Variants in KCNIP3 observed in about 807,000 individuals in gnomAD.
KCNIP3 encodes potassium voltage-gated channel interacting protein 3, also known as calsenilin.
A neutral mutation model predicts 35.0 loss-of-function variants in KCNIP3; 28 were observed. The observed-to-expected ratio is 0.80, with a 90% confidence interval of 0.59 to 1.10. The LOEUF (loss-of-function observed/expected upper bound fraction) is 1.10, where lower values mean the gene tolerates loss of function less well. KCNIP3 is among the 50% of genes least tolerant of loss of function. The pLI is 0.00. For synonymous variants in KCNIP3, 134 were observed against 133.8 expected (o/e 1.00, Z -0.01); for missense variants, 295 against 338.4 (o/e 0.87, Z 1.01).
rs1680440216 is a variant in KCNIP3 at position 95,384,567 on chromosome 2, A to T, written c.*518A>T. ...CCCCTCACCTCAGGACCCCAGAGGG[A>T]CCAGCTGGGGGGCAGGGGGGAGAGG... is the stretch of plus-strand genomic sequence containing the variant. On this transcript the variant is annotated 3_prime_UTR_variant, in exon 9 of 9. Transcript: ENST00000295225. 6.5e-6 allele frequency: 1 copy of T among 154,592 alleles called. No individual in the cohort carries two copies. Among genetic ancestry groups the T allele is most frequent in the Non-Finnish European group, 1.4e-5 (1 of 69,680 alleles). 9.6% of individuals were successfully genotyped at this position (154,592 alleles called of 1,614,324 possible). A position where few individuals can be genotyped will look rare whatever the true frequency, so the allele number is the denominator to read the frequency against.
chr2:95,359,121 C>T (rs1037053174), intron 2 of KCNIP3, among the ~76,000 whole-genome samples: 2 of 152,310 alleles, frequency 1.3e-5, no homozygotes, highest in East Asian at 1.9e-4. Flanking sequence ...GTCCTTCTCA[C>T]ATACAAAATA....
intron 2 of KCNIP3, among the ~76,000 whole-genome samples, chr2:95,338,629 T>C (rs867585817): frequency 6.6e-6 from 1 of 152,168 alleles, no homozygotes; most frequent in African/African-American, 2.4e-5. Flanking sequence ...CAAAGAACAC[T>C]GTCGCCCCCA....
chr2:95,381,310 G>C (rs1309157616), intron 5 of KCNIP3, among the ~76,000 whole-genome samples: 3 of 151,232 alleles, frequency 2.0e-5, no homozygotes, highest in Non-Finnish European at 4.4e-5. Flanking sequence ...CACCCTCACA[G>C]GTTCACACAT....
chr2:95,318,282 C>A (rs1243461838), intron 2 of KCNIP3, among the ~76,000 whole-genome samples: 2 of 152,174 alleles, frequency 1.3e-5, no homozygotes, highest in Non-Finnish European at 2.9e-5. Context: ...GCTCTCAGGC[C>A]AGTCCTCCTC....
At chr2:95,313,443 C>G (rs1404489100) in intron 2 of KCNIP3, 1 of 152,464 alleles carries the variant, frequency 6.6e-6, no homozygotes, top group African/African-American at 2.4e-5. Context: ...AGAGCACAGG[C>G]AGCCTGGCCC....
chr2:95,377,077 C>T lies in KCNIP3; in HGVS notation c.447+1869C>T, dbSNP rs772378135. Among the ~76,000 whole-genome samples the T allele has an allele frequency of 6.6e-6, 1 of 152,254 alleles. No individual in the cohort carries two copies. The highest frequency in any genetic ancestry group is 1.5e-5 in the Non-Finnish European group (1 of 68,040). On this transcript the variant is annotated intron_variant, in intron 5 of 8. Coordinates refer to ENST00000295225, the MANE Select transcript of KCNIP3 (RefSeq NM_013434.5). This position sits in a 1 kb window ranked among gnomAD's most constrained non-coding sequence, Gnocchi z 4.7. Reference sequence around the variant, plus strand: ...ACACCCCACCTTGGAGTGGCTCCTGCTCCCATCCCCACGGACCTTCTGGGA... The same window carrying T: ...ACACCCCACCTTGGAGTGGCTCCTGTTCCCATCCCCACGGACCTTCTGGGA...
In KCNIP3 at chr2:95,381,714, G is replaced by C; in HGVS notation, c.555+11G>C. The C allele has an allele frequency of 6.3e-7, 1 of 1,581,044 alleles. No individual in the cohort carries two copies. ...TACATCACCAAAGAGGTAGTAGGGGGCTGGGGGCAGGGATTGTCCCCTCCT... is the reference window on the plus strand; with the variant it reads ...TACATCACCAAAGAGGTAGTAGGGGCCTGGGGGCAGGGATTGTCCCCTCCT... On this transcript the variant is annotated intron_variant, in intron 6 of 8. Coordinates refer to ENST00000295225, the MANE Select transcript of KCNIP3 (RefSeq NM_013434.5).
rs550172770 is a variant in KCNIP3 at position 95,320,708 on chromosome 2, AG to A, written c.181+10189del. On this transcript the variant is annotated intron_variant, in intron 2 of 8. Transcript: ENST00000295225. ...CAGTCACCACCCGACCTCCTCCAGG[AG>A]TACGTCAGACCCAACTGGCCCTGCA... is the stretch of plus-strand genomic sequence containing the variant. Among the ~76,000 whole-genome samples, 17 of 152,246 alleles carry A rather than the reference AG, an allele frequency of 1.1e-4. No individual in the cohort carries two copies. In the South Asian group the frequency reaches 3.3e-3, roughly 30 times the overall value.
At chr2:95,308,842 C>T (rs1012847914) in intron 1 of KCNIP3, among the ~76,000 whole-genome samples, 1 of 152,224 alleles carries the variant, frequency 6.6e-6, no homozygotes, top group African/African-American at 2.4e-5. Flanking sequence ...AGCACAGGGG[C>T]TGTCTTCCAG....
At chr2:95,307,421 A>AT (rs1302352434) in intron 1 of KCNIP3, among the ~76,000 whole-genome samples, 4 of 152,204 alleles carry the variant, frequency 2.6e-5, no homozygotes, top group Non-Finnish European at 5.9e-5. Flanking sequence ...TCAGAAGACT[A>AT]TATGTGTAGT....
intron 2 of KCNIP3, among the ~76,000 whole-genome samples, chr2:95,334,578 A>G (rs770856279): frequency 2.0e-5 from 3 of 152,240 alleles, no homozygotes; most frequent in Non-Finnish European, 4.4e-5. Flanking sequence ...TGGGCCTTGT[A>G]CAAACTCTAA....
In KCNIP3 at chr2:95,304,127, C is replaced by T. The variant is rs555805941; in HGVS notation, c.16-6228C>T. Among the ~76,000 whole-genome samples the T allele has an allele frequency of 4.6e-5, 7 of 152,322 alleles. No homozygotes were observed. In the East Asian group the frequency reaches 7.7e-4, roughly 17 times the overall value. On this transcript the variant is annotated intron_variant, in intron 1 of 8. Coordinates refer to ENST00000295225, the MANE Select transcript of KCNIP3 (RefSeq NM_013434.5). ...GACTTGAGGGGTCGCCTGGCTGAGT[C>T]GAGCAAGCCCCCAGCCTCAGCCACA...
At chr2:95,328,857 G>C (rs1170366664) in intron 2 of KCNIP3, among the ~76,000 whole-genome samples, 1 of 152,236 alleles carries the variant, frequency 6.6e-6, no homozygotes, top group Non-Finnish European at 1.5e-5. Flanking sequence ...AGCTGCCTCC[G>C]AGCTCTGGCC....
At chr2:95,308,421 G>T (rs1459217663) in intron 1 of KCNIP3, among the ~76,000 whole-genome samples, 1 of 152,348 alleles carries the variant, frequency 6.6e-6, no homozygotes, top group Admixed American at 6.5e-5. Context: ...CCAGGATAAG[G>T]GAACTGGACA....
At chr2:95,345,417 C>G (rs1573502924) in intron 2 of KCNIP3, among the ~76,000 whole-genome samples, 1 of 152,252 alleles carries the variant, frequency 6.6e-6, no homozygotes, top group Non-Finnish European at 1.5e-5. Flanking sequence ...CTCGCAGCCA[C>G]GCGCCGCGGC....
At chr2:95,330,545 C>T (rs938103162) in intron 2 of KCNIP3, among the ~76,000 whole-genome samples, 4 of 152,230 alleles carry the variant, frequency 2.6e-5, no homozygotes, top group East Asian at 3.9e-4. Flanking sequence ...CTCACCCGTC[C>T]GTACCCCCCA....
intron 2 of KCNIP3, chr2:95,312,675 A>T (rs1678351349): frequency 6.6e-6 from 1 of 152,174 alleles, no homozygotes; most frequent in African/African-American, 2.4e-5. Flanking sequence ...GATTTACCAG[A>T]GCGTCCATGG....
intron 2 of KCNIP3, among the ~76,000 whole-genome samples, chr2:95,351,545 C>T (rs746417014): frequency 6.6e-6 from 1 of 152,152 alleles, no homozygotes; most frequent in African/African-American, 2.4e-5. Flanking sequence ...AAGCCTGGGG[C>T]GGGGTGCAGG....
intron 1 of KCNIP3, among the ~76,000 whole-genome samples, chr2:95,300,270 T>G (rs976233278): frequency 3.3e-5 from 5 of 152,214 alleles, no homozygotes; most frequent in African/African-American, 1.2e-4. Flanking sequence ...GCCTCCCATT[T>G]TTGGACTGTG....
Sources: allele counts gnomAD v4.1 joint callset (sites outside exome capture counted in the v4.1 genomes callset), GRCh38; gene constraint gnomAD v4.1.1; non-coding constraint Gnocchi (gnomAD v3.1); transcripts MANE v1.5; gene names NCBI Gene and HGNC (gene_info 2026-07-23, HGNC 2026-07-21).